The following PRKCH variants were observed in gnomAD, a reference collection of about 807,000 sequenced individuals.
The protein encoded by PRKCH is protein kinase C eta, also known as protein kinase C eta type.
A neutral mutation model predicts 82.5 loss-of-function variants in PRKCH; 28 were observed. The ratio of observed to expected loss-of-function variants is 0.34; its 90% CI spans 0.25 to 0.47. The LOEUF is 0.47. Among genes scored for constraint, PRKCH ranks in the 20% least tolerant of loss-of-function variants. The pLI, the probability that PRKCH is intolerant of heterozygous loss-of-function variation, is 1.00. For missense variants in PRKCH, 705 were observed against 881.8 expected (o/e 0.80, Z 2.54); for synonymous variants, 322 against 327.4 (o/e 0.98, Z 0.18).
intron 1 of PRKCH, among the ~76,000 whole-genome samples, chr14:61,328,071 A>T (rs1480861846): frequency 1.3e-5 from 2 of 151,500 alleles, no homozygotes; most frequent in Non-Finnish European, 2.9e-5. Flanking sequence ...TAACAAGGTG[A>T]AACCCCGTCT....
At chr14:61,232,619 T>C (rs2044753625) in intron 1 of PRKCH, among the ~76,000 whole-genome samples, 1 of 152,192 alleles carries the variant, frequency 6.6e-6, no homozygotes, top group South Asian at 2.1e-4. Flanking sequence ...CCCCTTAGAG[T>C]TGGGGAATGA....
chr14:61,486,023 G>A (rs1053783337), intron 10 of PRKCH, among the ~76,000 whole-genome samples: 4 of 152,130 alleles, frequency 2.6e-5, no homozygotes, highest in Non-Finnish European at 4.4e-5. Flanking sequence ...ATTAATAACA[G>A]TAATAAACAC....
chr14:61,530,189 C>T (rs114897152), intron 11 of PRKCH, among the ~76,000 whole-genome samples: 135 of 152,208 alleles, frequency 8.9e-4, no homozygotes, highest in African/African-American at 3.1e-3. Context: ...CCCAATCAGG[C>T]CATAAATATT....
At chr14:61,265,360 A>C (rs76190926) in intron 1 of PRKCH, among the ~76,000 whole-genome samples, 14,393 of 152,236 alleles carry the variant, frequency 0.095, 701 homozygotes, top group African/African-American at 0.12. Context: ...GAGCAGCTGT[A>C]GTCCCAGTTA....
chr14:61,462,003 C>T (rs189026686), intron 9 of PRKCH, among the ~76,000 whole-genome samples: 5 of 152,290 alleles, frequency 3.3e-5, no homozygotes, highest in Admixed American at 3.3e-4. Flanking sequence ...CATGGAACTG[C>T]CATTGCGGTT....
intron 1 of PRKCH, among the ~76,000 whole-genome samples, chr14:61,375,563 G>A (rs2046418411): frequency 6.6e-6 from 1 of 152,012 alleles, no homozygotes; most frequent in Non-Finnish European, 1.5e-5. Flanking sequence ...ATGGCTAGGA[G>A]GTGAGGGGGA....
chr14:61,226,130 C>T (rs6573372), intron 1 of PRKCH, among the ~76,000 whole-genome samples: 69,922 of 151,932 alleles, frequency 0.46, 17,586 homozygotes, highest in African/African-American at 0.66. Flanking sequence ...CAGTCTTAAC[C>T]GTAGGCAAAT....
intron 1 of PRKCH, among the ~76,000 whole-genome samples, chr14:61,382,664 A>T (rs2046529658): frequency 6.6e-6 from 1 of 152,220 alleles, no homozygotes; most frequent in Non-Finnish European, 1.5e-5. Flanking sequence ...CCATCCAGCC[A>T]AGAATTTGAA....
intron 1 of PRKCH, among the ~76,000 whole-genome samples, chr14:61,273,528 A>T (rs1000829543): frequency 6.6e-6 from 1 of 152,252 alleles, no homozygotes; most frequent in Non-Finnish European, 1.5e-5. Context: ...TCATTAACAT[A>T]CTGGAGTTTA....
intron 10 of PRKCH, among the ~76,000 whole-genome samples, chr14:61,504,785 G>A (rs1168493598): frequency 2.0e-5 from 3 of 152,014 alleles, no homozygotes; most frequent in Admixed American, 6.6e-5. Context: ...TTTCCCTTAC[G>A]CCTCTTGTTT....
intron 10 of PRKCH, among the ~76,000 whole-genome samples, chr14:61,507,690 T>C (rs1887210806): frequency 6.6e-6 from 1 of 152,130 alleles, no homozygotes; most frequent in African/African-American, 2.4e-5. Flanking sequence ...AGATACTGCA[T>C]GATCTCACTC....
intron 1 of PRKCH, among the ~76,000 whole-genome samples, chr14:61,228,649 G>A (rs55679738): frequency 0.16 from 24,714 of 152,058 alleles, 2,603 homozygotes; most frequent in African/African-American, 0.27. Flanking sequence ...AAGGATAGAT[G>A]AATAAGAGTT....
intron 2 of PRKCH, chr14:61,442,827 C>A: frequency 4.2e-6 from 1 of 239,896 alleles, no homozygotes; most frequent in South Asian, 8.6e-5. Context: ...AGTCCCAGCA[C>A]CTTGGGTTGC....
chr14:61,192,233 A>G (rs1043503591), intron 1 of PRKCH, among the ~76,000 whole-genome samples: 4 of 152,198 alleles, frequency 2.6e-5, no homozygotes, highest in African/African-American at 7.2e-5. Context: ...CTCTCTATTC[A>G]ATTCCTGAGC....
chr14:61,444,592 CT>C (rs766845436), intron 3 of PRKCH, among the ~76,000 whole-genome samples: 1 of 152,016 alleles, frequency 6.6e-6, no homozygotes, highest in African/African-American at 2.4e-5. Context: ...CGCTCCCCCC[CT>C]CCACACCCAT....
intron 1 of PRKCH, chr14:61,281,475 T>G: frequency 5.0e-6 from 1 of 201,070 alleles, no homozygotes; most frequent in Non-Finnish European, 1.1e-5. Flanking sequence ...AGTCTCGCGT[T>G]TCCTCTCAGT....
intron 1 of PRKCH, among the ~76,000 whole-genome samples, chr14:61,211,923 G>C (rs1235031488): frequency 1.3e-5 from 2 of 152,132 alleles, no homozygotes; most frequent in Non-Finnish European, 2.9e-5. Context: ...ATTATAACTG[G>C]AGAGGCGGGA....
intron 2 of PRKCH, among the ~76,000 whole-genome samples, chr14:61,416,253 G>A (rs1882555725): frequency 6.6e-6 from 1 of 151,630 alleles, no homozygotes; most frequent in Non-Finnish European, 1.5e-5. Context: ...ACAGGATTTT[G>A]CTATTTGCCC....
chr14:61,281,006 C>T (rs2045258981), intron 1 of PRKCH: 3 of 1,539,208 alleles, frequency 1.9e-6, no homozygotes, highest in Non-Finnish European at 2.6e-6. Context: ...AGGCCCAGGC[C>T]GATGAAGGCC....
Sources: gnomAD v4.1 joint callset for allele counts (sites outside exome capture counted in the v4.1 genomes callset) on GRCh38, gnomAD v4.1.1 for gene constraint, MANE v1.5 for transcripts, NCBI Gene and HGNC (gene_info 2026-07-23, HGNC 2026-07-21) for gene names.